PPFIA2: variants seen among roughly 807,000 people sequenced by gnomAD.
PPFIA2 encodes liprin-alpha-2.
PPFIA2 carries 46 observed loss-of-function variants against 175.5 expected under a neutral mutation model. The ratio of observed to expected loss-of-function variants is 0.26; its 90% CI spans 0.21 to 0.34. The LOEUF (loss-of-function observed/expected upper bound fraction) is 0.34. PPFIA2 is among the 10% of genes least tolerant of loss of function. PPFIA2 has a pLI of 1.00. For missense variants in PPFIA2, 1,179 were observed against 1,506.1 expected, an observed-to-expected ratio of 0.78 and a Z score of 3.60; for synonymous variants, 568 against 511.4, an observed-to-expected ratio of 1.11 and a Z score of -1.49.
At chr12:81,562,262 TAAG>T (rs1350641879) in intron 4 of PPFIA2, among the ~76,000 whole-genome samples, 2 of 152,182 alleles carry the variant, frequency 1.3e-5, no homozygotes, top group Non-Finnish European at 2.9e-5. Context: ...TAGTAAGTTA[TAAG>T]AAGAATAAAT....
intron 3 of PPFIA2, among the ~76,000 whole-genome samples, chr12:81,678,633 C>T (rs777361191): frequency 9.9e-5 from 15 of 151,702 alleles, no homozygotes; most frequent in Non-Finnish European, 1.9e-4. Context: ...TACTCCTTCC[C>T]CTCTCCCATT....
At chr12:81,561,603 T>G in intron 4 of PPFIA2, among the ~76,000 whole-genome samples, 1 of 152,180 alleles carries the variant, frequency 6.6e-6, no homozygotes, top group East Asian at 1.9e-4. Context: ...TTACTTCCCC[T>G]CTCTCTGATA....
chr12:81,406,592 C>T (rs1259384151), intron 7 of PPFIA2, among the ~76,000 whole-genome samples: 1 of 151,898 alleles, frequency 6.6e-6, no homozygotes, highest in African/African-American at 2.4e-5. Context: ...GTACTTATAG[C>T]ATAAGTGATC....
At position 81,440,050 on chromosome 12, in the gene PPFIA2, G is replaced by GA; in HGVS notation, c.571-5dup. 1 of 1,592,344 alleles carries GA rather than the reference G, an allele frequency of 6.3e-7. No individual in the cohort carries two copies. Among genetic ancestry groups the GA allele is most frequent in the South Asian group, 1.1e-5 (1 of 87,512 alleles). ...AAACCCTCAGTCGCTCCCTTACCTA[G>GA]AAGAAAAATCAAAATATGTGCAGTA... On this transcript the variant is annotated splice_region_variant and splice_polypyrimidine_tract_variant and intron_variant, in intron 6 of 32. Transcript: ENST00000549396.
Position 81,750,143 on chromosome 12 carries a change from A to G in PPFIA2, c.249+3830T>C, listed in dbSNP as rs2083558945. ...TGAAAGAGATAAACTTTTGGCTGGG[A>G]TGGGAAATTAACCAGACAAAGACAT... On this transcript the variant is annotated intron_variant, in intron 3 of 32. Coordinates refer to ENST00000549396, the MANE Select transcript of PPFIA2 (RefSeq NM_003625.5). 1.4e-5 allele frequency among the ~76,000 whole-genome samples: 2 copies of G among 143,838 alleles called. 1 individual carries two copies. Among genetic ancestry groups the G allele is most frequent in the Non-Finnish European group, 3.1e-5 (2 of 64,144 alleles). 94.4% of individuals were successfully genotyped at this position (143,838 alleles called of 152,430 possible). A position where few individuals can be genotyped will look rare whatever the true frequency, so the allele number is the denominator to read the frequency against.
intron 4 of PPFIA2, among the ~76,000 whole-genome samples, chr12:81,643,009 A>G (rs2153520466): frequency 6.8e-6 from 1 of 147,164 alleles, no homozygotes; most frequent in South Asian, 2.1e-4. Context: ...TATATATTTT[A>G]TATAGTGTAT....
intron 4 of PPFIA2, among the ~76,000 whole-genome samples, chr12:81,570,756 T>C (rs1332839054): frequency 6.7e-6 from 1 of 149,830 alleles, no homozygotes; most frequent in Non-Finnish European, 1.5e-5. Flanking sequence ...AATTTATAGG[T>C]AAAAATTTAT....
At chr12:81,644,784 T>C (rs1362916797) in intron 4 of PPFIA2, among the ~76,000 whole-genome samples, 1 of 152,142 alleles carries the variant, frequency 6.6e-6, no homozygotes, top group Non-Finnish European at 1.5e-5. Context: ...TGCTCAATGA[T>C]GATACAGATT....
chr12:81,582,866 A>G (rs1219237303), intron 4 of PPFIA2, among the ~76,000 whole-genome samples: 1 of 151,856 alleles, frequency 6.6e-6, no homozygotes, highest in Non-Finnish European at 1.5e-5. Flanking sequence ...TTATGTCTGT[A>G]ACATGGTACT....
chr12:81,706,094 G>A (rs980142638), intron 3 of PPFIA2, among the ~76,000 whole-genome samples: 2 of 152,004 alleles, frequency 1.3e-5, no homozygotes, highest in African/African-American at 4.8e-5. Flanking sequence ...TATTTCTACT[G>A]GGCAATGCTG....
chr12:81,309,344 A>C (rs1287062724), intron 22 of PPFIA2, among the ~76,000 whole-genome samples: 1 of 152,156 alleles, frequency 6.6e-6, no homozygotes, highest in Non-Finnish European at 1.5e-5. Flanking sequence ...AACATCTGCA[A>C]GCTGAACATG....
intron 4 of PPFIA2, among the ~76,000 whole-genome samples, chr12:81,529,200 C>T (rs1476177665): frequency 6.6e-6 from 1 of 151,788 alleles, no homozygotes; most frequent in Non-Finnish European, 1.5e-5. Flanking sequence ...TAATGGACTA[C>T]ATTAAACAAA....
At position 81,437,315 on chromosome 12, in the gene PPFIA2, T is replaced by C. The variant is rs545266295; in HGVS notation, c.645+2657A>G. Among the ~76,000 whole-genome samples, 1,049 of 152,240 alleles carry C rather than the reference T, an allele frequency of 6.9e-3. 2 individuals carry two copies. The highest frequency in any genetic ancestry group is 0.01 in the Non-Finnish European group (702 of 67,998). On this transcript the variant is annotated intron_variant, in intron 7 of 32. Transcript: ENST00000549396. The stretch of plus-strand genomic sequence containing the variant: ...CGCGATCTCGGCTCACTGCAAGCTC[T>C]GCCTCCAGGGTTCACGCCATTCTCC...
intron 16 of PPFIA2, among the ~76,000 whole-genome samples, chr12:81,356,783 A>G (rs76485870): frequency 6.6e-6 from 1 of 152,218 alleles, no homozygotes; most frequent in Admixed American, 6.5e-5. Context: ...GTTATCAGGA[A>G]CCTTCAATTT....
At chr12:81,380,400 G>T (rs986024906) in intron 9 of PPFIA2, among the ~76,000 whole-genome samples, 2 of 151,846 alleles carry the variant, frequency 1.3e-5, no homozygotes, top group Non-Finnish European at 2.9e-5. Context: ...GAATAATTAA[G>T]AAAAGGAAAA....
At chr12:81,352,236 A>G (rs1019592401) in intron 17 of PPFIA2, among the ~76,000 whole-genome samples, 1 of 151,840 alleles carries the variant, frequency 6.6e-6, no homozygotes, top group African/African-American at 2.4e-5. Context: ...ATCCCTTAAA[A>G]GTATTTAAAA....
chr12:81,746,052 A>G (rs1465355157), intron 3 of PPFIA2, among the ~76,000 whole-genome samples: 1 of 145,088 alleles, frequency 6.9e-6, no homozygotes, highest in Non-Finnish European at 1.5e-5. Context: ...GTTGGACTAT[A>G]TCTTAGCATC....
intron 3 of PPFIA2, among the ~76,000 whole-genome samples, chr12:81,735,079 A>G (rs1046862277): frequency 1.3e-5 from 2 of 151,892 alleles, no homozygotes; most frequent in African/African-American, 4.8e-5. Context: ...ATTTGTTATT[A>G]TGAATAATGC....
chr12:81,533,735 C>CTATA (rs1555461233), intron 4 of PPFIA2, among the ~76,000 whole-genome samples: 4,404 of 73,534 alleles, frequency 0.06, 82 homozygotes, highest in South Asian at 0.092. Flanking sequence ...ATCTATCTAT[C>CTATA]TATATATCTA....
Sources: allele counts gnomAD v4.1 joint callset (sites outside exome capture counted in the v4.1 genomes callset), GRCh38; gene constraint gnomAD v4.1.1; transcripts MANE v1.5; gene names NCBI Gene and HGNC (gene_info 2026-07-23, HGNC 2026-07-21).